CPLANE1: variants seen among roughly 807,000 people sequenced by gnomAD.
The protein encoded by CPLANE1 is ciliogenesis and planar polarity effector complex subunit 1.
A neutral mutation model predicts 362.5 loss-of-function variants in CPLANE1; 263 were observed. The observed-to-expected ratio is 0.73, with a 90% CI of 0.66 to 0.80. The LOEUF (loss-of-function observed/expected upper bound fraction) is 0.80, where lower values mean the gene tolerates loss of function less well. CPLANE1 is among the 30% of genes least tolerant of loss of function. The pLI is 0.00. For synonymous variants in CPLANE1, 1,212 were observed against 1,302.6 expected (o/e 0.93, Z 1.50); for missense variants, 3,461 against 3,793.4 (o/e 0.91, Z 2.30).
the CPLANE1 span, among the ~76,000 whole-genome samples, chr5:37,093,533 T>C: frequency 2.0e-5 from 3 of 152,338 alleles, no homozygotes; most frequent in African/African-American, 7.2e-5. Context: ...AACAGCCATA[T>C]GGAAGGGTGT....
chr5:37,138,879 A>G, intron 45 of CPLANE1, 31 bp from the exon 46 acceptor site: 4 of 1,583,498 alleles, frequency 2.5e-6, no homozygotes, highest in Non-Finnish European at 3.4e-6. Context: ...TAAGAAATAT[A>G]AATCAGTATC....
intron 51 of CPLANE1, among the ~76,000 whole-genome samples, chr5:37,111,900 A>T (rs896124113): frequency 5.3e-5 from 8 of 152,178 alleles, no homozygotes; most frequent in Non-Finnish European, 8.8e-5. Flanking sequence ...TGTTAAAAAA[A>T]AAACAGCCGT....
intron 43 of CPLANE1, among the ~76,000 whole-genome samples, chr5:37,145,349 G>C (rs956870151): frequency 5.3e-5 from 8 of 152,118 alleles, no homozygotes; most frequent in Admixed American, 5.2e-4. Flanking sequence ...AAGATGGAGG[G>C]AACAAATCAG....
At chr5:37,081,337 CAG>C in the CPLANE1 span, among the ~76,000 whole-genome samples, 2 of 152,070 alleles carry the variant, frequency 1.3e-5, no homozygotes, top group Non-Finnish European at 1.5e-5. Context: ...TGTTTTGAGA[CAG>C]AGTCTCTCTC....
At chr5:37,099,159 C>T in the CPLANE1 span, among the ~76,000 whole-genome samples, 4 of 152,116 alleles carry the variant, frequency 2.6e-5, no homozygotes, top group African/African-American at 4.8e-5. Context: ...CTGGGGTACA[C>T]GTGCAGGATG....
At chr5:37,111,173 T>G (rs1165216892) in intron 51 of CPLANE1, among the ~76,000 whole-genome samples, 3 of 149,148 alleles carry the variant, frequency 2.0e-5, no homozygotes, top group Admixed American at 6.7e-5. Flanking sequence ...CAGGCTGGAG[T>G]GCAGTGGCAT....
At chr5:37,143,529 A>C (rs1044360682) in intron 43 of CPLANE1, among the ~76,000 whole-genome samples, 3 of 152,262 alleles carry the variant, frequency 2.0e-5, no homozygotes, top group Admixed American at 2.0e-4. Flanking sequence ...TGAATAGCTA[A>C]AACAGCAAAG....
At chr5:37,147,361 T>C (rs934521570) in intron 43 of CPLANE1, among the ~76,000 whole-genome samples, 1 of 152,088 alleles carries the variant, frequency 6.6e-6, no homozygotes, top group Non-Finnish European at 1.5e-5. Flanking sequence ...TAGCCCAATA[T>C]TAGAATGCTT....
intron 16 of CPLANE1, among the ~76,000 whole-genome samples, chr5:37,207,623 A>C (rs1015386663): frequency 4.6e-5 from 7 of 152,240 alleles, no homozygotes; most frequent in African/African-American, 9.6e-5. Flanking sequence ...ACATTCACAG[A>C]ACATAGGAGT....
In CPLANE1 at chr5:37,247,753, CAATAAT is replaced by C; in HGVS notation, c.-47-14_-47-9del. On this transcript the variant is annotated splice_polypyrimidine_tract_variant and intron_variant, in intron 1 of 52. Coordinates refer to ENST00000651892, the MANE Select transcript of CPLANE1 (RefSeq NM_001384732.1). The stretch of plus-strand genomic sequence containing the variant: ...TAAAACAGTCCCAAGATTCTGTAAA[CAATAAT>C]AGTAATAAAATATAAATGATGCATA... 1 of 1,438,670 alleles carries C rather than the reference CAATAAT, an allele frequency of 7.0e-7. No individual in the cohort carries two copies. The highest frequency in any genetic ancestry group is 9.3e-7 in the Non-Finnish European group (1 of 1,077,652). 89.1% of individuals were successfully genotyped at this position (1,438,670 alleles called of 1,614,324 possible). A position where few individuals can be genotyped will look rare whatever the true frequency, so the allele number is the denominator to read the frequency against.
Position 37,169,112 on chromosome 5 carries a change from T to C in CPLANE1, c.6912A>G (p.Ala2304=), listed in dbSNP as rs1336564465. 1.2e-6 allele frequency: 2 copies of C among 1,614,236 alleles called. No homozygotes were observed. Among genetic ancestry groups the C allele is most frequent in the Non-Finnish European group, 1.7e-6 (2 of 1,180,036 alleles). Residue 2304 remains alanine, a synonymous_variant, in exon 34 of 53, where the codon GCA becomes GCG. Transcript: ENST00000651892. ...RKKEVEQKTW[A]ETVITEIPNH... ...TAGGAATTTCTGTAATTACAGTTTC[T>C]GCCCACGTCTTCTGCTCAACTTCTT...
chr5:37,112,784 T>C (rs1187814150), intron 51 of CPLANE1, among the ~76,000 whole-genome samples: 2 of 152,208 alleles, frequency 1.3e-5, no homozygotes, highest in African/African-American at 2.4e-5. Context: ...AGCTAGAAAC[T>C]TGGAGTCATA....
chr5:37,095,836 C>T, the CPLANE1 span, among the ~76,000 whole-genome samples: 1 of 151,922 alleles, frequency 6.6e-6, no homozygotes, highest in Non-Finnish European at 1.5e-5. Flanking sequence ...ACAATAGCTG[C>T]AAAAAATAAA....
At chr5:37,080,226 A>G in the CPLANE1 span, among the ~76,000 whole-genome samples, 13 of 152,234 alleles carry the variant, frequency 8.5e-5, no homozygotes, top group African/African-American at 2.4e-4. Flanking sequence ...GTCACCCCCA[A>G]TAGAGGGAAA....
intron 42 of CPLANE1, among the ~76,000 whole-genome samples, chr5:37,152,531 A>G (rs1773863555): frequency 6.6e-6 from 1 of 152,078 alleles, no homozygotes; most frequent in East Asian, 1.9e-4. Flanking sequence ...AATTTTTGAG[A>G]CTTCCTATTT....
chr5:37,194,812 C>T (rs998760973), intron 21 of CPLANE1, among the ~76,000 whole-genome samples: 2 of 151,842 alleles, frequency 1.3e-5, no homozygotes, highest in African/African-American at 4.8e-5. Context: ...GGGATTACAC[C>T]ACTGTGCCCA....
At chr5:37,143,916 C>CA (rs1393604530) in intron 43 of CPLANE1, among the ~76,000 whole-genome samples, 1 of 135,260 alleles carries the variant, frequency 7.4e-6, no homozygotes, top group East Asian at 2.1e-4. Context: ...GCCTGGACAA[C>CA]AAGAGCAAAA....
At chr5:37,239,033 C>A in intron 7 of CPLANE1, 73 bp from the exon 8 acceptor site, 1 of 724,662 alleles carries the variant, frequency 1.4e-6, no homozygotes, top group Non-Finnish European at 2.2e-6. Context: ...ATTCTGGTGA[C>A]ACAGAGATCT....
rs1292495554 is a variant in CPLANE1, at chr5:37,120,286, A to G, written c.9240T>C (p.Tyr3080=). 4 of 1,600,208 alleles carry G rather than the reference A, an allele frequency of 2.5e-6. No individual in the cohort carries two copies. The East Asian group carries it at 9.0e-5, about 36-fold the overall frequency. ...FLINRPGKVK[Y]MSKPSYIHKR... ...TATGGATATAACTCGGTTTGGACATATATTTGACTTTTCCAGGTCGATTTA... is the reference window on the plus strand; with the variant it reads ...TATGGATATAACTCGGTTTGGACATGTATTTGACTTTTCCAGGTCGATTTA... Residue 3080 remains tyrosine (Y), a synonymous_variant, in exon 50 of 53, where the codon TAT becomes TAC. Transcript: ENST00000651892.
Sources: allele counts gnomAD v4.1 joint callset (sites outside exome capture counted in the v4.1 genomes callset), GRCh38; gene constraint gnomAD v4.1.1; transcripts MANE v1.5; gene names NCBI Gene and HGNC (gene_info 2026-07-23, HGNC 2026-07-21).